Variants in FANK1 observed in about 807,000 individuals in gnomAD.
FANK1 encodes the protein fibronectin type III and ankyrin repeat domains 1.
Under a neutral mutation model 45.3 loss-of-function variants are expected in FANK1, and 44 were observed. The ratio of observed to expected loss-of-function variants is 0.97; its 90% CI spans 0.76 to 1.25. The LOEUF (loss-of-function observed/expected upper bound fraction) is 1.25. Among genes scored for constraint, FANK1 ranks in the 50% most tolerant of loss-of-function variants. FANK1 has a pLI of 0.00. For missense variants in FANK1, 391 were observed against 424.4 expected (o/e 0.92, Z 0.69); for synonymous variants, 149 against 152.5 (o/e 0.98, Z 0.17).
chr10:125,922,501 A>T (rs1323472534), intron 1 of FANK1, among the ~76,000 whole-genome samples: 3 of 152,156 alleles, frequency 2.0e-5, no homozygotes, highest in African/African-American at 4.8e-5. Flanking sequence ...GGCCAGCATC[A>T]CAGGTGGTCA....
chr10:125,989,464 G>C, intron 3 of FANK1: 1 of 1,021,694 alleles, frequency 9.8e-7, no homozygotes, highest in Non-Finnish European at 1.5e-6. Flanking sequence ...GCTTTCCATG[G>C]CTTTCAACTG....
intron 1 of FANK1, among the ~76,000 whole-genome samples, chr10:125,971,231 T>C (rs1343866718): frequency 6.6e-6 from 1 of 152,158 alleles, no homozygotes; most frequent in Non-Finnish European, 1.5e-5. Context: ...CCAGATTTCA[T>C]GCTGAACCTA....
chr10:125,932,983 T>C (rs1479429112), intron 1 of FANK1, among the ~76,000 whole-genome samples: 1 of 152,212 alleles, frequency 6.6e-6, no homozygotes, highest in Non-Finnish European at 1.5e-5. Context: ...TTAAATTTTG[T>C]TTGTGTGGTG....
intron 1 of FANK1, among the ~76,000 whole-genome samples, chr10:125,952,037 G>A (rs1217854603): frequency 6.6e-6 from 1 of 152,076 alleles, no homozygotes; most frequent in African/African-American, 2.4e-5. Context: ...GCTTTATCTG[G>A]AACTGTCAGA....
chr10:125,976,646 G>A (rs897848534), intron 1 of FANK1, among the ~76,000 whole-genome samples: 5 of 150,438 alleles, frequency 3.3e-5, no homozygotes, highest in Admixed American at 6.6e-5. Flanking sequence ...TCCCTGAGAC[G>A]GAATCTCGCT....
intron 1 of FANK1, among the ~76,000 whole-genome samples, chr10:125,944,919 C>A (rs1275330761): frequency 2.0e-5 from 3 of 152,200 alleles, no homozygotes. Context: ...TTTCCCACTT[C>A]ACACCTCTGT....
chr10:125,938,606 C>T (rs995366126), intron 1 of FANK1, among the ~76,000 whole-genome samples: 3 of 152,050 alleles, frequency 2.0e-5, no homozygotes, highest in East Asian at 3.9e-4. Flanking sequence ...GTCAGGAGTT[C>T]GAGACCAGCC....
intron 6 of FANK1, among the ~76,000 whole-genome samples, chr10:126,000,772 T>C (rs1952699742): frequency 1.3e-5 from 2 of 152,198 alleles, no homozygotes; most frequent in Admixed American, 1.3e-4. Flanking sequence ...TTTACAAATG[T>C]ATTAGAGACA....
intron 1 of FANK1, among the ~76,000 whole-genome samples, chr10:125,929,296 T>G (rs1453344110): frequency 6.6e-6 from 1 of 151,908 alleles, no homozygotes; most frequent in African/African-American, 2.4e-5. Context: ...GTAGCAGCCT[T>G]CAGAATAGGT....
intron 1 of FANK1, among the ~76,000 whole-genome samples, chr10:125,966,599 T>A (rs1291219467): frequency 6.6e-6 from 1 of 152,176 alleles, no homozygotes; most frequent in African/African-American, 2.4e-5. Flanking sequence ...AACTTTTTCC[T>A]TGGAAATAAA....
intron 1 of FANK1, among the ~76,000 whole-genome samples, chr10:125,940,870 C>A (rs191860672): frequency 6.6e-6 from 1 of 152,218 alleles, no homozygotes; most frequent in African/African-American, 2.4e-5. Context: ...ATATTGTTAA[C>A]AAGGCACATC....
chr10:125,952,636 A>C (rs573617443), intron 1 of FANK1, among the ~76,000 whole-genome samples: 26 of 151,964 alleles, frequency 1.7e-4, no homozygotes, highest in Admixed American at 9.8e-4. Flanking sequence ...ATCTGGATGA[A>C]AATGTTCCTC....
chr10:125,988,726 A>T, intron 3 of FANK1, 51 bp downstream of exon 3: 1 of 1,614,036 alleles, frequency 6.2e-7, no homozygotes, highest in Non-Finnish European at 8.5e-7. Flanking sequence ...AATGGAGATG[A>T]CAAGCAATTT....
At chr10:125,985,565 TTTCTGTAATGCCATTGGCG>T (rs1302882218) in intron 2 of FANK1, among the ~76,000 whole-genome samples, 1 of 152,272 alleles carries the variant, frequency 6.6e-6, no homozygotes, top group Non-Finnish European at 1.5e-5. Context: ...GATCGAAAAG[TTTCTGTAATGCCATTGGCG>T]TTATTTCTTC....
chr10:125,945,208 A>C (rs1342194909), intron 1 of FANK1, among the ~76,000 whole-genome samples: 2 of 150,766 alleles, frequency 1.3e-5, no homozygotes, highest in East Asian at 4.7e-4. Context: ...GTGTCTTGTT[A>C]AAAAAAATTT....
intron 1 of FANK1, among the ~76,000 whole-genome samples, chr10:125,954,683 G>A (rs1949465096): frequency 1.3e-5 from 2 of 152,120 alleles, no homozygotes; most frequent in South Asian, 2.1e-4. Context: ...ACTTTGGGAG[G>A]CCAAGGTGGG....
intron 1 of FANK1, among the ~76,000 whole-genome samples, chr10:125,934,750 T>G (rs1261731130): frequency 1.4e-5 from 2 of 138,918 alleles, no homozygotes; most frequent in Non-Finnish European, 3.1e-5. Context: ...TTTTTTTTTT[T>G]TTTTTTTTTT....
chr10:125,936,104 G>A (rs189042714), intron 1 of FANK1, among the ~76,000 whole-genome samples: 1 of 152,122 alleles, frequency 6.6e-6, no homozygotes, highest in East Asian at 1.9e-4. Context: ...TTTATATTAG[G>A]ACAAATGGAA....
chr10:125,929,813 T>TA (rs1440339032), intron 1 of FANK1, among the ~76,000 whole-genome samples: 1 of 152,156 alleles, frequency 6.6e-6, no homozygotes, highest in African/African-American at 2.4e-5. Context: ...AAGTTCCTGT[T>TA]ACAGAGTTTT....
Sources: allele counts gnomAD v4.1 joint callset (sites outside exome capture counted in the v4.1 genomes callset), GRCh38; gene constraint gnomAD v4.1.1; transcripts MANE v1.5; gene names NCBI Gene and HGNC (gene_info 2026-07-23, HGNC 2026-07-21).